The following MYO1E variants were observed in gnomAD, a reference collection of about 807,000 sequenced individuals.
MYO1E encodes the protein myosin IE.
A neutral mutation model predicts 151.1 loss-of-function variants in MYO1E; 68 were observed. That is an observed-to-expected ratio of 0.45 (90% CI 0.37 to 0.55). The LOEUF is 0.55. MYO1E is among the 20% of genes least tolerant of loss of function. The probability of loss-of-function intolerance (pLI) is 0.00; values close to 1 mark genes in which losing one functional copy is unlikely to be tolerated. For missense variants in MYO1E, 1,363 were observed against 1,389.3 expected, an observed-to-expected ratio of 0.98 and a Z score of 0.30; for synonymous variants, 601 against 501.7, an observed-to-expected ratio of 1.20 and a Z score of -2.64.
chr15:59,287,220 C>T (rs984067423), intron 1 of MYO1E, among the ~76,000 whole-genome samples: 32 of 152,228 alleles, frequency 2.1e-4, no homozygotes, highest in Admixed American at 3.9e-4. Flanking sequence ...AAGGGAGGCA[C>T]TGTCTTCTAA....
chr15:59,358,275 G>C (rs114864421), intron 1 of MYO1E, among the ~76,000 whole-genome samples: 2 of 152,144 alleles, frequency 1.3e-5, no homozygotes, highest in South Asian at 4.2e-4. Context: ...AGGAAGAGGA[G>C]GATGAGGAGG....
chr15:59,147,658 A>T (rs1466405040), intron 26 of MYO1E, among the ~76,000 whole-genome samples: 1 of 151,338 alleles, frequency 6.6e-6, no homozygotes, highest in Non-Finnish European at 1.5e-5. Context: ...AACGGTGCAG[A>T]GCCAGAAGGA....
intron 1 of MYO1E, among the ~76,000 whole-genome samples, chr15:59,290,503 C>A (rs898967521): frequency 6.6e-6 from 1 of 152,194 alleles, no homozygotes. Context: ...TGGGCCTCTG[C>A]CTTGTCTCCT....
At chr15:59,270,413 G>A (rs2080282292) in intron 2 of MYO1E, among the ~76,000 whole-genome samples, 1 of 151,678 alleles carries the variant, frequency 6.6e-6, no homozygotes. Context: ...GCATCGTGGT[G>A]TCTGCCTGTA....
chr15:59,262,015 G>A (rs1322592227), intron 2 of MYO1E, among the ~76,000 whole-genome samples: 1 of 151,850 alleles, frequency 6.6e-6, no homozygotes, highest in Admixed American at 6.6e-5. Flanking sequence ...TAGCCTGGCC[G>A]ACATGGTGAA....
chr15:59,332,026 G>A (rs1466478314), intron 1 of MYO1E, among the ~76,000 whole-genome samples: 2 of 152,164 alleles, frequency 1.3e-5, no homozygotes, highest in African/African-American at 4.8e-5. Context: ...TGAAATCTAG[G>A]TTCTAGATAA....
chr15:59,268,681 A>G (rs2080270388), intron 2 of MYO1E, among the ~76,000 whole-genome samples: 1 of 130,360 alleles, frequency 7.7e-6, no homozygotes, highest in Non-Finnish European at 1.6e-5. Flanking sequence ...GAGATTAATA[A>G]GAACTAACCT....
intron 9 of MYO1E, among the ~76,000 whole-genome samples, chr15:59,222,710 A>C (rs74020307): frequency 0.014 from 2,122 of 152,320 alleles, 45 homozygotes; most frequent in African/African-American, 0.048. Context: ...GATAAAGACA[A>C]TAAATCTTTT....
intron 1 of MYO1E, among the ~76,000 whole-genome samples, chr15:59,371,284 T>C (rs1294819692): frequency 1.3e-5 from 2 of 152,114 alleles, no homozygotes; most frequent in Non-Finnish European, 2.9e-5. Flanking sequence ...TATCGATTTT[T>C]TAATTAGTGT....
intron 1 of MYO1E, among the ~76,000 whole-genome samples, chr15:59,300,296 G>GCA (rs142354170): frequency 0.13 from 19,591 of 150,014 alleles, 1,861 homozygotes; most frequent in African/African-American, 0.27. Context: ...CCCAGCACGC[G>GCA]CACACACACA....
chr15:59,367,482 C>T (rs1296095541), intron 1 of MYO1E, among the ~76,000 whole-genome samples: 1 of 152,220 alleles, frequency 6.6e-6, no homozygotes, highest in Non-Finnish European at 1.5e-5. Flanking sequence ...TTTGCAGCCT[C>T]ACCACTCGTG....
chr15:59,266,508 C>T (rs1832093697), intron 2 of MYO1E, among the ~76,000 whole-genome samples: 1 of 152,246 alleles, frequency 6.6e-6, no homozygotes, highest in South Asian at 2.1e-4. Flanking sequence ...ACAAACAATG[C>T]ACTGAATTTT....
chr15:59,254,717 A>G (rs2080184225), intron 4 of MYO1E, among the ~76,000 whole-genome samples: 1 of 152,254 alleles, frequency 6.6e-6, no homozygotes, highest in Non-Finnish European at 1.5e-5. Flanking sequence ...ATTAACTAAA[A>G]AAGATGAACA....
intron 1 of MYO1E, among the ~76,000 whole-genome samples, chr15:59,330,228 A>G (rs2080689991): frequency 6.6e-6 from 1 of 152,150 alleles, no homozygotes; most frequent in African/African-American, 2.4e-5. Context: ...AAGGTTAAGA[A>G]TCAAAGTGCT....
At chr15:59,288,021 G>A (rs1468002135) in intron 1 of MYO1E, among the ~76,000 whole-genome samples, 1 of 152,178 alleles carries the variant, frequency 6.6e-6, no homozygotes, top group Non-Finnish European at 1.5e-5. Context: ...GTTCCTGATG[G>A]GTTTTGAACT....
chr15:59,211,983 A>G (rs1392469021), intron 12 of MYO1E, among the ~76,000 whole-genome samples: 1 of 152,074 alleles, frequency 6.6e-6, no homozygotes, highest in East Asian at 1.9e-4. Context: ...TTTCAAAAAC[A>G]CAACAAATCA....
At chr15:59,203,565 G>C (rs750124613) in intron 15 of MYO1E, among the ~76,000 whole-genome samples, 1 of 152,088 alleles carries the variant, frequency 6.6e-6, no homozygotes, top group Non-Finnish European at 1.5e-5. Flanking sequence ...TAGTAGAGAC[G>C]GGGTTTCAAC....
rs531797712 is a variant in MYO1E, at chr15:59,226,821, A to G, written c.642+638T>C. 5.6e-4 allele frequency among the ~76,000 whole-genome samples: 85 copies of G among 152,340 alleles called. No individual in the cohort carries two copies. In the South Asian group the frequency reaches 0.017, roughly 30 times the overall value. ...GACACTGTCTCAAATAAAAAAATAA[A>G]TAAAATAAAAGTAGCTGACTCAGAT... On this transcript the variant is annotated intron_variant, in intron 7 of 27. Coordinates refer to ENST00000288235, the MANE Select transcript of MYO1E (RefSeq NM_004998.4).
intron 1 of MYO1E, among the ~76,000 whole-genome samples, chr15:59,367,352 C>T (rs1271115701): frequency 6.8e-5 from 10 of 146,708 alleles, no homozygotes; most frequent in African/African-American, 2.1e-4. Flanking sequence ...TGAGACAGAC[C>T]GCCAATTCAT....
Sources: allele counts gnomAD v4.1 joint callset (sites outside exome capture counted in the v4.1 genomes callset), GRCh38; gene constraint gnomAD v4.1.1; transcripts MANE v1.5; gene names NCBI Gene and HGNC (gene_info 2026-07-23, HGNC 2026-07-21).